MPP7: variants seen among roughly 807,000 people sequenced by gnomAD.
The protein encoded by MPP7 is MAGUK p55 subfamily member 7.
In MPP7, 60 loss-of-function variants were observed where a neutral mutation model predicts 76.5. That is an observed-to-expected ratio of 0.78 (90% CI 0.64 to 0.97). The LOEUF is 0.97. Ranked by LOEUF, MPP7 falls within the 50% of genes least tolerant of loss-of-function variation. The probability of loss-of-function intolerance (pLI) is 0.00; values close to 1 mark genes in which losing one functional copy is unlikely to be tolerated. For missense variants in MPP7, 641 were observed against 694.0 expected, an observed-to-expected ratio of 0.92 and a Z score of 0.86; for synonymous variants, 237 against 244.5, an observed-to-expected ratio of 0.97 and a Z score of 0.29.
chr10:28,177,881 T>C lies in MPP7; in HGVS notation c.156+24272A>G, dbSNP rs868147776. Reference sequence around the variant, plus strand: ...ATGCAGGTGCTGAAACCCTAAATACTGTGAGGGGCTCCTTTCCCTTGGCTG... The same window carrying C: ...ATGCAGGTGCTGAAACCCTAAATACCGTGAGGGGCTCCTTTCCCTTGGCTG... On this transcript the variant is annotated intron_variant, in intron 3 of 16. Coordinates refer to ENST00000683449, the MANE Select transcript of MPP7 (RefSeq NM_001318170.2). 2.6e-5 allele frequency among the ~76,000 whole-genome samples: 4 copies of C among 152,120 alleles called. No individual in the cohort carries two copies. In the South Asian group the frequency reaches 8.3e-4, roughly 32 times the overall value.
At chr10:28,294,317 G>A (rs1417333609) in intron 1 of MPP7, among the ~76,000 whole-genome samples, 1 of 152,176 alleles carries the variant, frequency 6.6e-6, no homozygotes, top group African/African-American at 2.4e-5. Context: ...GAGAAGAACT[G>A]CGTTCAAGGT....
intron 2 of MPP7, among the ~76,000 whole-genome samples, chr10:28,207,353 C>T (rs1353562284): frequency 6.6e-6 from 1 of 151,904 alleles, no homozygotes; most frequent in African/African-American, 2.4e-5. Context: ...TTGATACGTA[C>T]AAGAACTGTA....
intron 1 of MPP7, among the ~76,000 whole-genome samples, chr10:28,245,537 C>A (rs907839995): frequency 1.3e-5 from 2 of 152,124 alleles, no homozygotes; most frequent in Non-Finnish European, 2.9e-5. Context: ...CACACCCAAG[C>A]CCCGCCTTAC....
Position 28,213,807 on chromosome 10 carries a change from AAAAG to A in MPP7, c.38-11540_38-11537del, listed in dbSNP as rs1278847480. ...ACTCTGTCTCAAAAAAAAAAAAAAA[AAAAG>A]AGAGAGAGAGAGAGAGAGAAGGTTG... is the stretch of plus-strand genomic sequence containing the variant. On this transcript the variant is annotated intron_variant, in intron 2 of 16. Transcript: ENST00000683449. 4.1e-5 allele frequency among the ~76,000 whole-genome samples: 6 copies of A among 146,636 alleles called. No individual in the cohort carries two copies. The East Asian group carries it at 7.8e-4, about 19-fold the overall frequency.
At chr10:28,167,314 A>AAAAC (rs71391017) in intron 3 of MPP7, among the ~76,000 whole-genome samples, 51 of 137,972 alleles carry the variant, frequency 3.7e-4, no homozygotes, top group East Asian at 1.4e-3. Context: ...CTGCCTCAAA[A>AAAAC]AAACAAACAA....
intron 1 of MPP7, among the ~76,000 whole-genome samples, chr10:28,302,058 C>CT (rs974208891): frequency 2.0e-5 from 3 of 152,134 alleles, no homozygotes; most frequent in Non-Finnish European, 2.9e-5. Context: ...AGAGCCCCCC[C>CT]TTTTTTAAAT....
intron 1 of MPP7, among the ~76,000 whole-genome samples, chr10:28,274,656 C>A (rs1429218675): frequency 6.6e-6 from 1 of 152,174 alleles, no homozygotes; most frequent in Non-Finnish European, 1.5e-5. Context: ...ACAGTGCCTA[C>A]ACTACACAGA....
At chr10:28,328,093 T>C (rs1253221083) in intron 2 of MPP7, among the ~76,000 whole-genome samples, 1 of 152,162 alleles carries the variant, frequency 6.6e-6, no homozygotes, top group Non-Finnish European at 1.5e-5. Context: ...AAACTTCTAG[T>C]GCTTCATTAA....
chr10:28,333,412 T>C (rs1025201792), intron 1 of MPP7, among the ~76,000 whole-genome samples: 4 of 152,236 alleles, frequency 2.6e-5, no homozygotes, highest in Middle Eastern at 3.2e-3. Context: ...CCCAAAGTGT[T>C]GGGATTACAG....
chr10:28,256,684 T>C (rs1839797334), intron 1 of MPP7, among the ~76,000 whole-genome samples: 1 of 152,208 alleles, frequency 6.6e-6, no homozygotes, highest in Admixed American at 6.5e-5. Flanking sequence ...GTCTTACGTA[T>C]ATAACTAAGA....
chr10:28,216,606 T>C (rs571989640), intron 2 of MPP7, among the ~76,000 whole-genome samples: 1 of 152,318 alleles, frequency 6.6e-6, no homozygotes, highest in East Asian at 1.9e-4. Context: ...TTTATTGAGG[T>C]AATTAGAAAT....
At chr10:28,074,830 C>T (rs980377954) in intron 12 of MPP7, among the ~76,000 whole-genome samples, 3 of 152,184 alleles carry the variant, frequency 2.0e-5, no homozygotes, top group African/African-American at 7.2e-5. Flanking sequence ...TCCACTTTCA[C>T]GGGCCATGGT....
chr10:28,101,493 T>A (rs911619564), intron 11 of MPP7, among the ~76,000 whole-genome samples: 13 of 151,940 alleles, frequency 8.6e-5, no homozygotes, highest in African/African-American at 2.7e-4. Context: ...TTGAAAGAAA[T>A]AACAACAAAT....
At chr10:28,244,716 A>C (rs1839375893) in intron 1 of MPP7, among the ~76,000 whole-genome samples, 1 of 152,176 alleles carries the variant, frequency 6.6e-6, no homozygotes, top group South Asian at 2.1e-4. Flanking sequence ...TATAATCCCC[A>C]GGCGAAGAGA....
At chr10:28,130,673 T>G (rs546693682) in intron 6 of MPP7, among the ~76,000 whole-genome samples, 1 of 152,352 alleles carries the variant, frequency 6.6e-6, no homozygotes, top group African/African-American at 2.4e-5. Context: ...TTTGACAGTC[T>G]TGTGGCTTCT....
At chr10:28,287,708 T>G (rs560035108) in intron 1 of MPP7, among the ~76,000 whole-genome samples, 6 of 152,214 alleles carry the variant, frequency 3.9e-5, no homozygotes, top group African/African-American at 1.4e-4. Context: ...AAGAAGACTT[T>G]TCAAGAGATG....
At chr10:28,284,571 G>A (rs1190215139) in intron 1 of MPP7, among the ~76,000 whole-genome samples, 1 of 152,046 alleles carries the variant, frequency 6.6e-6, no homozygotes, top group African/African-American at 2.4e-5. Context: ...CTACATAATA[G>A]GTTTCACTGA....
At chr10:28,326,002 TAAAG>T (rs1834410846) in intron 2 of MPP7, among the ~76,000 whole-genome samples, 2 of 150,196 alleles carry the variant, frequency 1.3e-5, no homozygotes, top group Admixed American at 1.3e-4. Flanking sequence ...AAAAATTCCT[TAAAG>T]AGAAAAATCT....
At chr10:28,189,750 T>A (rs1159517166) in intron 3 of MPP7, among the ~76,000 whole-genome samples, 1 of 151,918 alleles carries the variant, frequency 6.6e-6, no homozygotes. Flanking sequence ...AAAGACAGGA[T>A]AATTAAAATC....
Sources: gnomAD v4.1 joint callset for allele counts (sites outside exome capture counted in the v4.1 genomes callset) on GRCh38, gnomAD v4.1.1 for gene constraint, MANE v1.5 for transcripts, NCBI Gene and HGNC (gene_info 2026-07-23, HGNC 2026-07-21) for gene names.